Variants in KCNAB1 observed in about 807,000 individuals in gnomAD.
The protein encoded by KCNAB1 is voltage-gated potassium channel subunit beta-1.
In KCNAB1, 35 loss-of-function variants were observed where a neutral mutation model predicts 64.6. The ratio of observed to expected loss-of-function variants is 0.54; its 90% CI spans 0.41 to 0.72. The LOEUF (loss-of-function observed/expected upper bound fraction) is 0.72. Among genes scored for constraint, KCNAB1 ranks in the 30% least tolerant of loss-of-function variants. The pLI, the probability that KCNAB1 is intolerant of heterozygous loss-of-function variation, is 0.00. For synonymous variants in KCNAB1, 177 were observed against 183.8 expected (o/e 0.96, Z 0.30); for missense variants, 401 against 512.9 (o/e 0.78, Z 2.11).
intron 1 of KCNAB1, among the ~76,000 whole-genome samples, chr3:156,322,867 C>G (rs1722756382): frequency 6.6e-6 from 1 of 152,182 alleles, no homozygotes; most frequent in South Asian, 2.1e-4. Context: ...CCTAATGAGC[C>G]TCTTAGCCCA....
intron 1 of KCNAB1, among the ~76,000 whole-genome samples, chr3:156,195,594 A>G (rs1256102879): frequency 6.6e-6 from 1 of 152,190 alleles, no homozygotes; most frequent in East Asian, 1.9e-4. Flanking sequence ...TCTTTTGAGA[A>G]GTGTCTGTTC....
intron 8 of KCNAB1, among the ~76,000 whole-genome samples, chr3:156,476,522 TAC>T (rs10542832): frequency 0.38 from 56,195 of 147,188 alleles, 10,751 homozygotes; most frequent in African/African-American, 0.47. Flanking sequence ...TATATATATA[TAC>T]ACACACACAC....
At chr3:156,194,738 C>A (rs947257227) in intron 1 of KCNAB1, among the ~76,000 whole-genome samples, 2 of 152,086 alleles carry the variant, frequency 1.3e-5, no homozygotes, top group African/African-American at 4.8e-5. Context: ...TCCAACACCT[C>A]GCTTATGCTC....
chr3:156,259,808 G>A (rs889215098), intron 1 of KCNAB1, among the ~76,000 whole-genome samples: 15 of 152,132 alleles, frequency 9.9e-5, no homozygotes, highest in African/African-American at 3.6e-4. Context: ...TGATGCTCTG[G>A]AGGTCCTGTT....
At chr3:156,223,746 C>T (rs972361729) in intron 1 of KCNAB1, among the ~76,000 whole-genome samples, 2 of 152,200 alleles carry the variant, frequency 1.3e-5, no homozygotes, top group Admixed American at 6.5e-5. Flanking sequence ...TGTTTACAAA[C>T]CTTGAGCTAG....
Position 156,296,528 on chromosome 3 carries a change from C to T in KCNAB1, c.276-125088C>T, listed in dbSNP as rs527615633. Among the ~76,000 whole-genome samples, 24 of 132,586 alleles carry T rather than the reference C, an allele frequency of 1.8e-4. 1 individual carries two copies. Among genetic ancestry groups the T allele is most frequent in the Non-Finnish European group, 1.1e-4 (7 of 63,848 alleles). 87.0% of individuals were successfully genotyped at this position (132,586 alleles called of 152,430 possible). A position where few individuals can be genotyped will look rare whatever the true frequency, so the allele number is the denominator to read the frequency against. ...TCGCTCTGTAGCGCAGGCTGGAGGGCAGTGGCGCCGTCTCAGCTCACTGCA... is the reference window on the plus strand; with the variant it reads ...TCGCTCTGTAGCGCAGGCTGGAGGGTAGTGGCGCCGTCTCAGCTCACTGCA... On this transcript the variant is annotated intron_variant, in intron 1 of 13. Coordinates refer to ENST00000490337, the MANE Select transcript of KCNAB1 (RefSeq NM_172160.3).
chr3:156,121,356 G>A (rs1713334069), intron 1 of KCNAB1, among the ~76,000 whole-genome samples: 1 of 152,150 alleles, frequency 6.6e-6, no homozygotes, highest in Non-Finnish European at 1.5e-5. Context: ...CTGGCCATAG[G>A]GATGCAGAAT....
chr3:156,473,109 A>C (rs1714056498), intron 7 of KCNAB1, among the ~76,000 whole-genome samples: 1 of 152,066 alleles, frequency 6.6e-6, no homozygotes, highest in South Asian at 2.1e-4. Flanking sequence ...GTCTAGTGAA[A>C]ATTTTTGGCA....
intron 1 of KCNAB1, among the ~76,000 whole-genome samples, chr3:156,143,688 A>G (rs1232347663): frequency 6.6e-6 from 1 of 150,444 alleles, no homozygotes; most frequent in African/African-American, 2.4e-5. Flanking sequence ...CAGAAGAAGT[A>G]TCTTTGGCTC....
chr3:156,504,738 TTTTGTTTTTTTTG>T (rs1223541640), intron 8 of KCNAB1, among the ~76,000 whole-genome samples: 18 of 124,780 alleles, frequency 1.4e-4, no homozygotes, highest in Non-Finnish European at 2.7e-4. Flanking sequence ...CTTGTTTTGT[TTTTGTTTTTTTTG>T]TTTTTTTTTT....
intron 1 of KCNAB1, among the ~76,000 whole-genome samples, chr3:156,174,718 T>C (rs1712233738): frequency 6.6e-6 from 1 of 152,174 alleles, no homozygotes; most frequent in African/African-American, 2.4e-5. Flanking sequence ...TTAGCCAATG[T>C]GGTCGCTTCC....
intron 1 of KCNAB1, among the ~76,000 whole-genome samples, chr3:156,388,190 G>A (rs995376221): frequency 1.4e-4 from 21 of 152,192 alleles, no homozygotes; most frequent in African/African-American, 4.8e-4. Flanking sequence ...CCAGAACCCT[G>A]CAGACCCAGC....
At chr3:156,128,398 A>T (rs980141593) in intron 1 of KCNAB1, among the ~76,000 whole-genome samples, 2 of 152,224 alleles carry the variant, frequency 1.3e-5, no homozygotes, top group African/African-American at 4.8e-5. Flanking sequence ...GAGAAGGAGA[A>T]AAATTCTCTT....
At chr3:156,251,261 A>G (rs1717814012) in intron 1 of KCNAB1, among the ~76,000 whole-genome samples, 1 of 152,230 alleles carries the variant, frequency 6.6e-6, no homozygotes, top group Non-Finnish European at 1.5e-5. Context: ...GTTTCACACA[A>G]GGGGCTTTAA....
chr3:156,154,447 A>C (rs1369930066), intron 1 of KCNAB1, among the ~76,000 whole-genome samples: 1 of 152,088 alleles, frequency 6.6e-6, no homozygotes, highest in East Asian at 1.9e-4. Flanking sequence ...TCATCCTCCG[A>C]ACTATGGGGG....
At chr3:156,137,712 AT>A (rs66960245) in intron 1 of KCNAB1, among the ~76,000 whole-genome samples, 94 of 141,018 alleles carry the variant, frequency 6.7e-4, no homozygotes, top group Admixed American at 5.7e-4. Flanking sequence ...CGTCTGGCTA[AT>A]TTTTTTTTTT....
At chr3:156,328,663 G>C (rs1043947869) in intron 1 of KCNAB1, among the ~76,000 whole-genome samples, 2 of 152,144 alleles carry the variant, frequency 1.3e-5, no homozygotes, top group Non-Finnish European at 2.9e-5. Context: ...CTACTTGTAG[G>C]CCGGGTACAA....
At chr3:156,236,966 A>C (rs1352017149) in intron 1 of KCNAB1, among the ~76,000 whole-genome samples, 2 of 152,176 alleles carry the variant, frequency 1.3e-5, no homozygotes, top group African/African-American at 4.8e-5. Flanking sequence ...GAGTTAAAAG[A>C]ATGTTTTTAC....
chr3:156,411,247 T>C (rs73019941), intron 1 of KCNAB1, among the ~76,000 whole-genome samples: 7,549 of 152,260 alleles, frequency 0.05, 597 homozygotes, highest in African/African-American at 0.17. Context: ...TTTGGTGAAG[T>C]ATCTGTTCAG....
Sources: allele counts gnomAD v4.1 joint callset (sites outside exome capture counted in the v4.1 genomes callset), GRCh38; gene constraint gnomAD v4.1.1; transcripts MANE v1.5; gene names NCBI Gene and HGNC (gene_info 2026-07-23, HGNC 2026-07-21).